The following FAM171A1 variants were observed in gnomAD, a reference collection of about 807,000 sequenced individuals.
The protein encoded by FAM171A1 is family with sequence similarity 171 member A1.
A neutral mutation model predicts 74.9 loss-of-function variants in FAM171A1; 23 were observed. The observed-to-expected ratio is 0.31, with a 90% confidence interval of 0.22 to 0.44. The LOEUF is 0.44. Ranked by LOEUF, FAM171A1 falls within the 20% of genes least tolerant of loss-of-function variation. The pLI is 1.00. For synonymous variants in FAM171A1, 527 were observed against 505.7 expected (o/e 1.04, Z -0.57); for missense variants, 1,162 against 1,159.2 (o/e 1.00, Z -0.03).
At chr10:15,317,080 T>C (rs1413657442) in intron 1 of FAM171A1, among the ~76,000 whole-genome samples, 1 of 148,266 alleles carries the variant, frequency 6.7e-6, no homozygotes, top group African/African-American at 2.5e-5. Context: ...TGGCAACAGT[T>C]GTATAGGAAA....
intron 1 of FAM171A1, among the ~76,000 whole-genome samples, chr10:15,304,540 G>A (rs1023580288): frequency 3.3e-5 from 5 of 152,040 alleles, no homozygotes; most frequent in African/African-American, 7.2e-5. Context: ...AACCTGCTGC[G>A]GCCGCATACC....
chr10:15,307,422 A>G lies in FAM171A1; in HGVS notation c.98-23317T>C, dbSNP rs1048253511. On this transcript the variant is annotated intron_variant, in intron 1 of 7. Coordinates refer to ENST00000378116, the MANE Select transcript of FAM171A1 (RefSeq NM_001010924.2). Reference sequence around the variant, plus strand: ...CATTTTGGAAGGTTGAGGCGGGTGGATCACCTGAGGTCAGGAGTTCGAGAC... The same window carrying G: ...CATTTTGGAAGGTTGAGGCGGGTGGGTCACCTGAGGTCAGGAGTTCGAGAC... 2.8e-3 allele frequency among the ~76,000 whole-genome samples: 427 copies of G among 152,112 alleles called. 3 individuals are homozygous for G. The highest frequency in any genetic ancestry group is 9.9e-3 in the African/African-American group (411 of 41,482).
intron 1 of FAM171A1, among the ~76,000 whole-genome samples, chr10:15,290,885 C>T (rs1835094478): frequency 6.6e-6 from 1 of 152,128 alleles, no homozygotes; most frequent in Non-Finnish European, 1.5e-5. Context: ...GTCTGGGCCA[C>T]CCATGTACCG....
At chr10:15,269,759 C>A (rs4750615) in intron 3 of FAM171A1, among the ~76,000 whole-genome samples, 1 of 152,046 alleles carries the variant, frequency 6.6e-6, no homozygotes, top group South Asian at 2.1e-4. Flanking sequence ...GGGATGGTGG[C>A]ACACAGAGTG....
intron 1 of FAM171A1, among the ~76,000 whole-genome samples, chr10:15,365,453 A>T (rs1032133691): frequency 6.6e-6 from 1 of 152,202 alleles, no homozygotes; most frequent in Non-Finnish European, 1.5e-5. Flanking sequence ...GCAAAGATTA[A>T]TAAGTTCTGA....
rs1427046208 is a variant in FAM171A1 at position 15,284,026 on chromosome 10, G to A, written c.177C>T (p.Asn59=). 1.9e-6 allele frequency: 3 copies of A among 1,614,062 alleles called. No homozygotes were observed. The East Asian group carries it at 6.7e-5, about 36-fold the overall frequency. The change falls in exon 2 of 8, where the codon AAC becomes AAT. Residue 59 remains asparagine, a synonymous_variant. Transcript: ENST00000378116. ...AGGTGCCAGAGGCTATGGAGGCCTG[G>A]TTGGTGAAGATCTCGATGAGCGCAT... ...VADALIEIFT[N]QASIASGTSG... is the part of the protein sequence containing the mutation.
intron 2 of FAM171A1, among the ~76,000 whole-genome samples, chr10:15,281,875 A>T (rs1834974944): frequency 6.6e-6 from 1 of 152,190 alleles, no homozygotes; most frequent in Non-Finnish European, 1.5e-5. Flanking sequence ...TAAAAAAATA[A>T]AAAAACAGAT....
intron 3 of FAM171A1, 94 bp from the exon 4 acceptor site, chr10:15,254,973 C>A: frequency 8.4e-7 from 1 of 1,191,012 alleles, no homozygotes; most frequent in Non-Finnish European, 1.2e-6. Context: ...GGTTTCAGCA[C>A]GCCTCCCCCA....
intron 5 of FAM171A1, among the ~76,000 whole-genome samples, chr10:15,222,301 G>T (rs993750077): frequency 6.6e-6 from 1 of 152,164 alleles, no homozygotes; most frequent in Admixed American, 6.5e-5. Context: ...AAAATGCATT[G>T]TTCATCGCTG....
At chr10:15,351,662 C>T (rs28564786) in intron 1 of FAM171A1, among the ~76,000 whole-genome samples, 67 of 135,552 alleles carry the variant, frequency 4.9e-4, no homozygotes, top group African/African-American at 1.6e-3. Context: ...GATGCATGCA[C>T]GGATGCATGG....
At position 15,248,802 on chromosome 10, in the gene FAM171A1, C is replaced by T; in HGVS notation, c.591G>A (p.Arg197=). 1 of 1,609,014 alleles carries T rather than the reference C, an allele frequency of 6.2e-7. No homozygotes were observed. The highest frequency in any genetic ancestry group is 8.5e-7 in the Non-Finnish European group (1 of 1,177,906). The part of the protein sequence containing the change: ...LDGNGTGNST[R]HDLTPVTAVS... The stretch of plus-strand genomic sequence containing the variant: ...CGGCTGTGACTGGGGTCAGGTCATG[C>T]CTGGTGCTGTTTCCTAGAAGGAAGA... The change falls in exon 5 of 8, where the codon AGG becomes AGA. Residue 197 remains arginine, a synonymous_variant. Transcript: ENST00000378116.
intron 1 of FAM171A1, among the ~76,000 whole-genome samples, chr10:15,296,066 A>T (rs1476189783): frequency 6.6e-6 from 1 of 152,190 alleles, no homozygotes; most frequent in Non-Finnish European, 1.5e-5. Context: ...ATGTCTTTAT[A>T]AAGCATGTTC....
In FAM171A1 at chr10:15,212,756, C is replaced by T; in HGVS notation, c.*159G>A. Reference sequence around the variant, plus strand: ...TTTATTCCGAGTAATAACTTTAATTCCTTTCTAACATTTACACGGCAAACA... The same window carrying T: ...TTTATTCCGAGTAATAACTTTAATTTCTTTCTAACATTTACACGGCAAACA... On this transcript the variant is annotated 3_prime_UTR_variant, in exon 8 of 8. Transcript: ENST00000378116. The T allele has an allele frequency of 9.9e-7, 1 of 1,006,796 alleles. No homozygotes were observed. Among genetic ancestry groups the T allele is most frequent in the East Asian group, 2.4e-5 (1 of 41,288 alleles). 62.4% of individuals were successfully genotyped at this position (1,006,796 alleles called of 1,614,324 possible).
At chr10:15,285,883 G>T (rs1456646350) in intron 1 of FAM171A1, among the ~76,000 whole-genome samples, 3 of 152,240 alleles carry the variant, frequency 2.0e-5, no homozygotes, top group African/African-American at 4.8e-5. Flanking sequence ...GATGAGGAAG[G>T]AGTGCTGGGT....
In FAM171A1 at chr10:15,350,575, T is replaced by C. The variant is rs4748162; in HGVS notation, c.97+20381A>G. On this transcript the variant is annotated intron_variant, in intron 1 of 7. Transcript: ENST00000378116. ...CCAGGATGGTCTCGATCTCTTGACC[T>C]CATGATCCGCCTGCCTCAGCTTCCC... Among the ~76,000 whole-genome samples the C allele has an allele frequency of 3.7e-3, 565 of 151,836 alleles. 11 individuals are homozygous for C. The highest frequency in any genetic ancestry group is 0.033 in the Admixed American group (502 of 15,246).
chr10:15,214,885 C>G (rs138115695), intron 7 of FAM171A1, among the ~76,000 whole-genome samples: 1 of 151,956 alleles, frequency 6.6e-6, no homozygotes, highest in Non-Finnish European at 1.5e-5. Flanking sequence ...CTCAGCCTCC[C>G]GAGCAGCTGG....
intron 6 of FAM171A1, among the ~76,000 whole-genome samples, chr10:15,216,964 A>G (rs1210676013): frequency 6.6e-6 from 1 of 152,230 alleles, no homozygotes; most frequent in Non-Finnish European, 1.5e-5. Flanking sequence ...GACTTAAAAA[A>G]GTCAGCAACT....
At chr10:15,267,474 G>T (rs917717370) in intron 3 of FAM171A1, among the ~76,000 whole-genome samples, 1 of 151,974 alleles carries the variant, frequency 6.6e-6, no homozygotes, top group Non-Finnish European at 1.5e-5. Context: ...GCAGTGGCAC[G>T]TGTGTGTAGT....
At chr10:15,280,824 A>G (rs1834958944) in intron 2 of FAM171A1, among the ~76,000 whole-genome samples, 1 of 152,242 alleles carries the variant, frequency 6.6e-6, no homozygotes, top group South Asian at 2.1e-4. Flanking sequence ...CTCCAAAAAT[A>G]TGCACAAAAG....
Sources: allele counts gnomAD v4.1 joint callset (sites outside exome capture counted in the v4.1 genomes callset), GRCh38; gene constraint gnomAD v4.1.1; transcripts MANE v1.5; gene names NCBI Gene and HGNC (gene_info 2026-07-23, HGNC 2026-07-21).